PHACTR1: variants seen among roughly 807,000 people sequenced by gnomAD.
PHACTR1 encodes the protein RPEL repeat containing 1.
PHACTR1 carries 16 observed loss-of-function variants against 69.2 expected under a neutral mutation model. That is an observed-to-expected ratio of 0.23 (90% CI 0.16 to 0.35). PHACTR1 has a LOEUF of 0.35. PHACTR1 is among the 10% of genes least tolerant of loss of function. PHACTR1 has a pLI of 1.00. For missense variants in PHACTR1, 510 were observed against 734.7 expected, an observed-to-expected ratio of 0.69 and a Z score of 3.54; for synonymous variants, 312 against 284.5, an observed-to-expected ratio of 1.10 and a Z score of -0.97.
At chr6:12,877,605 A>G (rs1166823330) in intron 4 of PHACTR1, among the ~76,000 whole-genome samples, 2 of 151,682 alleles carry the variant, frequency 1.3e-5, no homozygotes, top group East Asian at 3.9e-4. Flanking sequence ...TGCCTACAGA[A>G]CTCTGAAGGG....
At chr6:12,767,095 T>C (rs1768718609) in intron 4 of PHACTR1, among the ~76,000 whole-genome samples, 1 of 152,218 alleles carries the variant, frequency 6.6e-6, no homozygotes, top group African/African-American at 2.4e-5. Flanking sequence ...TGCAGTCCAT[T>C]CAATAATACG....
intron 5 of PHACTR1, among the ~76,000 whole-genome samples, chr6:13,089,808 C>A (rs774063468): frequency 3.3e-5 from 5 of 152,146 alleles, no homozygotes; most frequent in Non-Finnish European, 7.4e-5. Context: ...ATAAAACTGA[C>A]AAACGGTAAC....
At chr6:13,156,678 T>C (rs1216713955) in intron 5 of PHACTR1, among the ~76,000 whole-genome samples, 4 of 152,234 alleles carry the variant, frequency 2.6e-5, no homozygotes, top group Non-Finnish European at 5.9e-5. Flanking sequence ...TAACGTCTCT[T>C]GGATGTGGCT....
chr6:13,000,759 C>T (rs1309170357), intron 4 of PHACTR1, among the ~76,000 whole-genome samples: 2 of 152,086 alleles, frequency 1.3e-5, no homozygotes, highest in Non-Finnish European at 2.9e-5. Flanking sequence ...CTGCAGGTCA[C>T]CATTTGTTAC....
intron 8 of PHACTR1, among the ~76,000 whole-genome samples, chr6:13,210,593 G>A (rs765305666): frequency 1.6e-4 from 24 of 152,132 alleles, no homozygotes; most frequent in Admixed American, 2.6e-4. Context: ...TTAGCTGTGT[G>A]ACCCAAAGCG....
intron 4 of PHACTR1, among the ~76,000 whole-genome samples, chr6:12,777,286 T>C (rs1770194576): frequency 2.0e-5 from 3 of 151,434 alleles, no homozygotes; most frequent in African/African-American, 7.3e-5. Context: ...TGTGCAGGTT[T>C]GTTATATAGG....
intron 4 of PHACTR1, among the ~76,000 whole-genome samples, chr6:12,792,317 A>G (rs916198107): frequency 1.4e-4 from 21 of 151,352 alleles, no homozygotes; most frequent in African/African-American, 5.1e-4. Flanking sequence ...ATACAAAATT[A>G]GCCGGGCGTG....
At chr6:13,138,485 G>T (rs1821900735) in intron 5 of PHACTR1, among the ~76,000 whole-genome samples, 2 of 152,182 alleles carry the variant, frequency 1.3e-5, no homozygotes, top group Non-Finnish European at 2.9e-5. Flanking sequence ...AAGGTTACTG[G>T]GATTATCTTC....
chr6:12,726,490 C>T, intron 3 of PHACTR1, among the ~76,000 whole-genome samples: 1 of 152,188 alleles, frequency 6.6e-6, no homozygotes, highest in African/African-American at 2.4e-5. Flanking sequence ...AAACTAGTTA[C>T]CATCCCACTC....
At chr6:12,975,921 T>A (rs1794822337) in intron 4 of PHACTR1, among the ~76,000 whole-genome samples, 1 of 152,210 alleles carries the variant, frequency 6.6e-6, no homozygotes, top group Non-Finnish European at 1.5e-5. Flanking sequence ...GTGCTATAGG[T>A]AAAATGGGCC....
chr6:12,738,474 G>A (rs1288748434), intron 3 of PHACTR1, among the ~76,000 whole-genome samples: 8 of 152,134 alleles, frequency 5.3e-5, no homozygotes, highest in East Asian at 1.9e-4. Context: ...TTATCAGTTC[G>A]TGCTTGATCT....
intron 4 of PHACTR1, among the ~76,000 whole-genome samples, chr6:13,052,085 C>T (rs1248033155): frequency 6.6e-6 from 1 of 152,192 alleles, no homozygotes; most frequent in African/African-American, 2.4e-5. Context: ...GATCTGCCTC[C>T]AGTCCTTCTG....
intron 10 of PHACTR1, among the ~76,000 whole-genome samples, chr6:13,257,466 T>C (rs982297042): frequency 1.3e-5 from 2 of 152,190 alleles, no homozygotes; most frequent in Non-Finnish European, 2.9e-5. Flanking sequence ...ATCCAGCACC[T>C]TATCTGGAAA....
At chr6:12,828,063 A>C (rs1230882106) in intron 4 of PHACTR1, among the ~76,000 whole-genome samples, 5 of 152,214 alleles carry the variant, frequency 3.3e-5, no homozygotes, top group African/African-American at 1.2e-4. Context: ...CTATACAAAG[A>C]AGTAGCTGTG....
intron 7 of PHACTR1, chr6:13,184,774 G>C (rs1246752061): frequency 2.9e-6 from 4 of 1,360,992 alleles, no homozygotes; most frequent in Non-Finnish European, 3.9e-6. Context: ...AATGTCTCCT[G>C]TGTATCATGT....
chr6:12,933,482 C>A (rs536736554), intron 4 of PHACTR1: 146 of 1,328,890 alleles, frequency 1.1e-4, no homozygotes, highest in Admixed American at 3.0e-4. Flanking sequence ...CAAGGAGAAA[C>A]TAGAAGATGG....
intron 5 of PHACTR1, among the ~76,000 whole-genome samples, chr6:13,070,045 G>A (rs1221369073): frequency 2.0e-5 from 3 of 152,158 alleles, no homozygotes. Context: ...CTTCAAATAA[G>A]TATGTGTACA....
chr6:12,960,947 G>A (rs943121180), intron 4 of PHACTR1, among the ~76,000 whole-genome samples: 3 of 152,270 alleles, frequency 2.0e-5, no homozygotes, highest in East Asian at 1.9e-4. Context: ...ACTCCTGATC[G>A]TATACTGTAA....
intron 4 of PHACTR1, among the ~76,000 whole-genome samples, chr6:12,991,314 G>T (rs1364728854): frequency 6.6e-6 from 1 of 152,166 alleles, no homozygotes. Context: ...CACCCAAGGG[G>T]TGGCCCTGGT....
Sources: allele counts gnomAD v4.1 joint callset (sites outside exome capture counted in the v4.1 genomes callset), GRCh38; gene constraint gnomAD v4.1.1; transcripts MANE v1.5; gene names NCBI Gene and HGNC (gene_info 2026-07-23, HGNC 2026-07-21).